ACAP2: variants seen among roughly 807,000 people sequenced by gnomAD.
ACAP2 encodes ArfGAP with coiled-coil, ankyrin repeat and PH domains 2, also known as arf-GAP with coiled-coil, ANK repeat and PH domain-containing protein 2.
A neutral mutation model predicts 115.8 loss-of-function variants in ACAP2; 39 were observed. The ratio of observed to expected loss-of-function variants is 0.34; its 90% CI spans 0.26 to 0.44. The LOEUF is 0.44. Ranked by LOEUF, ACAP2 falls within the 20% of genes least tolerant of loss-of-function variation. ACAP2 has a pLI of 1.00. For missense variants in ACAP2, 662 were observed against 927.6 expected, an observed-to-expected ratio of 0.71 and a Z score of 3.72; for synonymous variants, 289 against 315.8, an observed-to-expected ratio of 0.92 and a Z score of 0.90.
chr3:195,348,977 TAAA>T (rs1413170421), intron 4 of ACAP2, among the ~76,000 whole-genome samples: 1 of 151,782 alleles, frequency 6.6e-6, no homozygotes, highest in Non-Finnish European at 1.5e-5. Flanking sequence ...ATACAAGAAA[TAAA>T]AAGCATACAG....
At position 195,394,336 on chromosome 3, in the gene ACAP2, T is replaced by G. The variant is rs751508562; in HGVS notation, c.54-2189A>C. Among the ~76,000 whole-genome samples, 10 of 152,310 alleles carry G rather than the reference T, an allele frequency of 6.6e-5. 1 individual carries two copies. In the South Asian group the frequency reaches 2.1e-3, roughly 32 times the overall value. On this transcript the variant is annotated intron_variant, in intron 1 of 22. Coordinates refer to ENST00000326793, the MANE Select transcript of ACAP2 (RefSeq NM_012287.6). The stretch of plus-strand genomic sequence containing the variant: ...TGTCAGATACCCTCTTCATTTACAT[T>G]TTAACCTTTATTTATCTTTACTCAG...
In ACAP2 at chr3:195,307,177, C is replaced by T. The variant is rs762632134; in HGVS notation, c.1010+46G>A. 4.7e-6 allele frequency: 7 copies of T among 1,489,706 alleles called. No homozygotes were observed. The East Asian group carries it at 1.6e-4, about 34-fold the overall frequency. The allele number at this position is 1,489,706 out of a possible 1,614,324, so 92.3% of individuals were successfully genotyped here. ...ACTCTGGAAAGTTATTTAAGACAAACTATAAAAACATAAAAGCAAATCACA... is the reference window on the plus strand; with the variant it reads ...ACTCTGGAAAGTTATTTAAGACAAATTATAAAAACATAAAAGCAAATCACA... On this transcript the variant is annotated intron_variant, in intron 12 of 22. Coordinates refer to ENST00000326793, the MANE Select transcript of ACAP2 (RefSeq NM_012287.6).
In ACAP2 at chr3:195,292,386, T is replaced by C. The variant is rs1285115394; in HGVS notation, c.1832A>G (p.Tyr611Cys). 1.9e-6 allele frequency: 3 copies of C among 1,613,844 alleles called. No individual in the cohort carries two copies. The highest frequency in any genetic ancestry group is 2.7e-5 in the African/African-American group (2 of 74,912). ...SKHLNPGLQL[Y>C]RASYEKNLPK... ...AAGGTTTTTTTCATATGACGCCCTA[T>C]AAAGCTGAAGTCCTGGATTAAGATG... The change falls in exon 19 of 23, where the codon TAT (tyrosine) becomes TGT (cysteine). Residue 611 changes from tyrosine (Y) to cysteine (C), a missense_variant. This residue lies in a region of ACAP2 where 133 missense variants were observed against 123.1 expected (regional missense o/e 1.08). Transcript: ENST00000326793.
At position 195,350,557 on chromosome 3, in the gene ACAP2, G is replaced by A. The variant is rs1215077778; in HGVS notation, c.286-5240C>T. Among the ~76,000 whole-genome samples the A allele has an allele frequency of 2.6e-5, 4 of 151,628 alleles. No homozygotes were observed. The East Asian group carries it at 5.8e-4, about 22-fold the overall frequency. On this transcript the variant is annotated intron_variant, in intron 4 of 22. Coordinates refer to ENST00000326793, the MANE Select transcript of ACAP2 (RefSeq NM_012287.6). ...CCAGCTACTCAGGAGGCTAAGGCAGGAGGATTACTTGAGCCCAGGAGGTGG... is the reference window on the plus strand; with the variant it reads ...CCAGCTACTCAGGAGGCTAAGGCAGAAGGATTACTTGAGCCCAGGAGGTGG...
At chr3:195,332,059 G>A (rs1190502225) in intron 8 of ACAP2, among the ~76,000 whole-genome samples, 2 of 151,416 alleles carry the variant, frequency 1.3e-5, no homozygotes, top group Admixed American at 1.3e-4. Flanking sequence ...GCAAGAACCT[G>A]GGAGGTGGAG....
At chr3:195,440,541 T>C (rs997725559) in intron 1 of ACAP2, among the ~76,000 whole-genome samples, 5 of 152,174 alleles carry the variant, frequency 3.3e-5, no homozygotes. Flanking sequence ...GACAGCCCAA[T>C]AGATCAGGAC....
intron 1 of ACAP2, among the ~76,000 whole-genome samples, chr3:195,433,641 G>T (rs1028514757): frequency 6.6e-6 from 1 of 152,100 alleles, no homozygotes; most frequent in Non-Finnish European, 1.5e-5. Flanking sequence ...TTAGTTTTTT[G>T]AATAGTTTTA....
intron 4 of ACAP2, among the ~76,000 whole-genome samples, chr3:195,373,051 G>A (rs1161554573): frequency 1.4e-5 from 2 of 141,736 alleles, no homozygotes; most frequent in Non-Finnish European, 3.1e-5. Flanking sequence ...GAAAAACTGT[G>A]AAACAAAAAA....
chr3:195,338,061 G>C (rs2108640142), intron 6 of ACAP2, among the ~76,000 whole-genome samples: 1 of 152,250 alleles, frequency 6.6e-6, no homozygotes, highest in Admixed American at 6.5e-5. Flanking sequence ...CTACCAATCA[G>C]GTCTCAAATA....
intron 4 of ACAP2, among the ~76,000 whole-genome samples, chr3:195,372,539 A>G (rs573793651): frequency 6.6e-6 from 1 of 152,162 alleles, no homozygotes; most frequent in Non-Finnish European, 1.5e-5. Context: ...AAAGAAAAAA[A>G]GCCAGACACA....
chr3:195,338,129 C>T (rs973726267), intron 6 of ACAP2, among the ~76,000 whole-genome samples: 3 of 152,228 alleles, frequency 2.0e-5, no homozygotes, highest in African/African-American at 7.2e-5. Flanking sequence ...ACATCAACCT[C>T]ATTTATTTTA....
chr3:195,389,075 C>T (rs951518561), intron 2 of ACAP2, among the ~76,000 whole-genome samples: 4 of 150,062 alleles, frequency 2.7e-5, no homozygotes, highest in Non-Finnish European at 5.9e-5. Context: ...GGAAGAGGTA[C>T]GAAATATAAA....
Position 195,381,031 on chromosome 3 carries a change from T to A in ACAP2, c.263A>T (p.Gln88Leu), listed in dbSNP as rs1278589362. The change falls in exon 4 of 23, where the codon CAA (glutamine) becomes CTA (leucine). Residue 88 changes from glutamine (Q) to leucine (L), a missense_variant. Coordinates refer to ENST00000326793, the MANE Select transcript of ACAP2 (RefSeq NM_012287.6). ...TSLTKFSDSL[Q>L]EMINFHTILF... is the part of the protein sequence containing the mutation. ...TACTGTGTGAAAATTTATCATTTCT[T>A]GAAGACTGTCAGAAAACTTGGTCAA... 8 of 1,601,694 alleles carry A rather than the reference T, an allele frequency of 5.0e-6. No individual in the cohort carries two copies. Among genetic ancestry groups the A allele is most frequent in the Non-Finnish European group, 5.9e-6 (7 of 1,177,462 alleles).
chr3:195,424,968 A>T (rs1314524000), intron 1 of ACAP2, among the ~76,000 whole-genome samples: 1 of 130,616 alleles, frequency 7.7e-6, no homozygotes, highest in Non-Finnish European at 1.6e-5. Flanking sequence ...GATTGCTTGC[A>T]GTGAGCTGAG....
At chr3:195,281,132 C>T (rs571160984) in intron 22 of ACAP2, among the ~76,000 whole-genome samples, 3 of 152,212 alleles carry the variant, frequency 2.0e-5, no homozygotes, top group Admixed American at 6.5e-5. Flanking sequence ...TTGGCCCGGC[C>T]GGGTGGCTCA....
chr3:195,351,009 A>C (rs1731532934), intron 4 of ACAP2, among the ~76,000 whole-genome samples: 2 of 152,196 alleles, frequency 1.3e-5, no homozygotes, highest in South Asian at 4.1e-4. Flanking sequence ...CATAAAAAAA[A>C]AGTTTGATCT....
intron 1 of ACAP2, among the ~76,000 whole-genome samples, chr3:195,419,229 C>A (rs1038601529): frequency 2.0e-5 from 3 of 152,156 alleles, no homozygotes; most frequent in Admixed American, 1.3e-4. Context: ...GCAGTCACTT[C>A]CCATTACCTC....
chr3:195,294,421 CA>C (rs1456912079), intron 18 of ACAP2, among the ~76,000 whole-genome samples: 1 of 148,146 alleles, frequency 6.8e-6, no homozygotes, highest in African/African-American at 2.5e-5. Flanking sequence ...CTACTAAAAA[CA>C]CAAAAATTAG....
intron 1 of ACAP2, among the ~76,000 whole-genome samples, chr3:195,425,538 C>T (rs183851627): frequency 1.3e-5 from 2 of 152,212 alleles, no homozygotes; most frequent in Admixed American, 6.5e-5. Flanking sequence ...AAAAAGTTTA[C>T]CATCTAAAAG....
Sources: gnomAD v4.1 joint callset for allele counts (sites outside exome capture counted in the v4.1 genomes callset) on GRCh38, gnomAD v4.1.1 for gene constraint, gnomAD v4.1.1 regional missense constraint, MANE v1.5 for transcripts, NCBI Gene and HGNC (gene_info 2026-07-23, HGNC 2026-07-21) for gene names.